WDR3: variants seen among roughly 807,000 people sequenced by gnomAD.
WDR3 encodes WD repeat domain 3.
WDR3 carries 81 observed loss-of-function variants against 123.7 expected under a neutral mutation model. That is an observed-to-expected ratio of 0.65 (90% CI 0.55 to 0.79). WDR3 has a LOEUF of 0.79. WDR3 is among the 30% of genes least tolerant of loss of function. The probability of loss-of-function intolerance (pLI) is 0.00; values close to 1 mark genes in which losing one functional copy is unlikely to be tolerated. For synonymous variants in WDR3, 390 were observed against 388.8 expected (o/e 1.00, Z -0.04); for missense variants, 1,027 against 1,123.2 (o/e 0.91, Z 1.22).
chr1:117,935,852 G>A (rs1650923721), intron 3 of WDR3, among the ~76,000 whole-genome samples: 1 of 151,790 alleles, frequency 6.6e-6, no homozygotes, highest in South Asian at 2.1e-4. Flanking sequence ...CACTGAAAAA[G>A]TTAAAATATT....
At chr1:117,953,393 C>A in intron 20 of WDR3, 83 bp from the exon 21 acceptor site, 1 of 1,322,166 alleles carries the variant, frequency 7.6e-7, no homozygotes, top group South Asian at 1.2e-5. Context: ...AATAGCTGTT[C>A]TCATATGGAT....
intron 24 of WDR3, among the ~76,000 whole-genome samples, chr1:117,956,805 T>C (rs989567328): frequency 5.3e-5 from 8 of 152,282 alleles, no homozygotes; most frequent in African/African-American, 1.9e-4. Flanking sequence ...AACAAAAGGC[T>C]TTGGAGATAT....
At chr1:117,936,653 A>C in intron 3 of WDR3, 116 bp from the exon 4 acceptor site, 1 of 732,730 alleles carries the variant, frequency 1.4e-6, no homozygotes, top group Non-Finnish European at 2.2e-6. Context: ...ATGCTTTCCA[A>C]ATTTTCTGTA....
At chr1:117,942,263 A>G (rs955322835) in intron 9 of WDR3, among the ~76,000 whole-genome samples, 174 bp from the exon 10 acceptor site, 10 of 152,218 alleles carry the variant, frequency 6.6e-5, no homozygotes, top group African/African-American at 2.4e-4. Flanking sequence ...TGTAGTGTAC[A>G]AAGCATTTCC....
At position 117,952,378 on chromosome 1, in the gene WDR3, A is replaced by G. The variant is rs760346560; in HGVS notation, c.1986A>G (p.Ala662=). ...GKDHKIKQWD[A]DKFEHIQTLE... ...ATCATAAGATTAAACAGTGGGATGC[A>G]GACAAATTTGAACACATACAGACTC... The change falls in exon 18 of 27, where the codon GCA becomes GCG. Residue 662 remains alanine (A), a synonymous_variant. Coordinates refer to ENST00000349139, the MANE Select transcript of WDR3 (RefSeq NM_006784.3). The G allele has an allele frequency of 2.5e-6, 4 of 1,613,406 alleles. No individual in the cohort carries two copies. The highest frequency in any genetic ancestry group is 1.1e-5 in the South Asian group (1 of 91,000).
chr1:117,940,518 A>T (rs139644475), intron 6 of WDR3, among the ~76,000 whole-genome samples: 19 of 152,170 alleles, frequency 1.2e-4, no homozygotes, highest in Middle Eastern at 3.4e-3. Flanking sequence ...GAGTCCACAC[A>T]CACGTTTGAG....
At position 117,941,758 on chromosome 1, in the gene WDR3, C is replaced by T. The variant is rs187750907; in HGVS notation, c.900C>T (p.Asp300=). 65 of 1,610,202 alleles carry T rather than the reference C, an allele frequency of 4.0e-5. No homozygotes were observed. The Admixed American group carries it at 1.1e-3, about 27-fold the overall frequency. The part of the protein sequence containing the change: ...TGRILACHGT[D]SVLELFCILS... ...ACCTTTTGCCTTTCTAGGGAACTGA[C>T]TCTGTGCTAGAATTGTTTTGTATCC... The change falls in exon 9 of 27, where the codon GAC becomes GAT. Residue 300 remains aspartate (D), a synonymous_variant. Coordinates refer to ENST00000349139, the MANE Select transcript of WDR3 (RefSeq NM_006784.3).
intron 16 of WDR3, among the ~76,000 whole-genome samples, chr1:117,951,535 A>G (rs1475597360): frequency 6.8e-6 from 1 of 147,974 alleles, no homozygotes; most frequent in African/African-American, 2.5e-5. Context: ...TATGTTGACA[A>G]CCATTTGGAC....
chr1:117,956,778 A>G (rs530245390), intron 24 of WDR3, among the ~76,000 whole-genome samples: 1 of 152,366 alleles, frequency 6.6e-6, no homozygotes, highest in South Asian at 2.1e-4. Flanking sequence ...AGAATATCAT[A>G]TGAAGATGGA....
Position 117,940,852 on chromosome 1 carries a change from C to T in WDR3, c.701C>T (p.Pro234Leu). 1 of 1,613,546 alleles carries T rather than the reference C, an allele frequency of 6.2e-7. No individual in the cohort carries two copies. Among genetic ancestry groups the T allele is most frequent in the Non-Finnish European group, 8.5e-7 (1 of 1,179,874 alleles). ...ATTGAAGACCCGGAAGAACCAGACCCCAAGAAAATCAAAGGATCTTCTCCT... is the reference window on the plus strand; with the variant it reads ...ATTGAAGACCCGGAAGAACCAGACCTCAAGAAAATCAAAGGATCTTCTCCT... ...QEIEDPEEPD[P>L]KKIKGSSPGI... Residue 234 changes from proline (P) to leucine (L), a missense_variant, in exon 7 of 27, where the codon CCC becomes CTC. Pro to Leu is a moderately conservative substitution (Grantham distance 98). Coordinates refer to ENST00000349139, the MANE Select transcript of WDR3 (RefSeq NM_006784.3).
rs748371140 is a variant in WDR3, at chr1:117,940,888, A to T, written c.737A>T (p.Asp246Val). 2.5e-6 allele frequency: 4 copies of T among 1,614,106 alleles called. No individual in the cohort carries two copies. The South Asian group carries it at 4.4e-5, about 18-fold the overall frequency. The change falls in exon 7 of 27, where the codon GAT (aspartate) becomes GTT (valine). Residue 246 changes from aspartate (D) to valine (V), a missense_variant. Physicochemically the swap from Asp to Val is radical, Grantham distance 152. Coordinates refer to ENST00000349139, the MANE Select transcript of WDR3 (RefSeq NM_006784.3). ...KIKGSSPGIQ[D>V]TLEAEDGAFE... ...AAAGGATCTTCTCCTGGAATACAAG[A>T]TACTCTTGAGGCAGAGGATGGTGCC...
Position 117,948,619 on chromosome 1 carries a change from T to C in WDR3, c.1524+113T>C, listed in dbSNP as rs1651495711. The C allele has an allele frequency of 4.4e-6, 3 of 682,254 alleles. No homozygotes were observed. The South Asian group carries it at 9.1e-5, about 21-fold the overall frequency. The allele number at this position is 682,254 out of a possible 1,614,324, so 42.3% of individuals were successfully genotyped here. A position where few individuals can be genotyped will look rare whatever the true frequency, so the allele number is the denominator to read the frequency against. ...TTTTTTTTTTTTTTGGTCTAATCTT[T>C]AGTGTTTGTATATGATGCCTTCTTA... On this transcript the variant is annotated intron_variant, in intron 13 of 26. Coordinates refer to ENST00000349139, the MANE Select transcript of WDR3 (RefSeq NM_006784.3).
At position 117,965,753 on chromosome 1, in the gene WDR3, G is replaced by T. The variant is rs1447127602; in HGVS notation, c.*6306G>T. ...ATATGCTGATCATGTCACCCACAGG[G>T]TCAGGAATCTGCAGTGGTTCACTGC... On this transcript the variant is annotated 3_prime_UTR_variant, in exon 27 of 27. Coordinates refer to ENST00000349139, the MANE Select transcript of WDR3 (RefSeq NM_006784.3). 6.6e-6 allele frequency: 1 copy of T among 152,170 alleles called. No homozygotes were observed. Among genetic ancestry groups the T allele is most frequent in the Non-Finnish European group, 1.5e-5 (1 of 68,028 alleles). 9.4% of individuals were successfully genotyped at this position (152,170 alleles called of 1,614,324 possible).
Position 117,963,728 on chromosome 1 carries a change from AAG to A in WDR3, c.*4283_*4284del. ...AGGTTTCTGACTATAAGAAGAGGGGAAGAAACCTGGGGTCTAATACCTCAAAT... is the reference window on the plus strand; with the variant it reads ...AGGTTTCTGACTATAAGAAGAGGGGAAAACCTGGGGTCTAATACCTCAAAT... On this transcript the variant is annotated 3_prime_UTR_variant, in exon 27 of 27. Transcript: ENST00000349139. 7.1e-7 allele frequency: 1 copy of A among 1,409,086 alleles called. No homozygotes were observed. The highest frequency in any genetic ancestry group is 9.7e-7 in the Non-Finnish European group (1 of 1,032,294). The allele number at this position is 1,409,086 out of a possible 1,614,324, so 87.3% of individuals were successfully genotyped here.
chr1:117,931,107 A>C (rs1489549814), intron 1 of WDR3, among the ~76,000 whole-genome samples: 1 of 152,108 alleles, frequency 6.6e-6, no homozygotes, highest in Non-Finnish European at 1.5e-5. Context: ...ATTTTTTAAA[A>C]AATGTTTTGT....
chr1:117,950,883 T>C lies in WDR3; in HGVS notation c.1796T>C (p.Ile599Thr), dbSNP rs142924383. ...AAACTGCCTGTTATATGCATGGACA[T>C]CTCTCATGTAAGTAGTTTAAATAGT... Reference protein sequence around the residue: ...GHKLPVICMDISHDGALIATG... With the variant: ...GHKLPVICMDTSHDGALIATG... The change falls in exon 16 of 27, where the codon ATC (isoleucine) becomes ACC (threonine). Residue 599 changes from isoleucine to threonine, a missense_variant. Ile to Thr is a moderately conservative substitution (Grantham distance 89). Transcript: ENST00000349139. The C allele has an allele frequency of 7.3e-5, 117 of 1,608,666 alleles. No individual in the cohort carries two copies. Among genetic ancestry groups the C allele is most frequent in the Non-Finnish European group, 9.8e-5 (115 of 1,178,398 alleles).
In WDR3 at chr1:117,964,510, A is replaced by G. The variant is rs1005655487; in HGVS notation, c.*5063A>G. On this transcript the variant is annotated 3_prime_UTR_variant, in exon 27 of 27. Coordinates refer to ENST00000349139, the MANE Select transcript of WDR3 (RefSeq NM_006784.3). ...AGAGGAAAAAACTAGTTCTTTGGCTAGTTTCCTTCTGTCACAATGGAAAAA... is the reference window on the plus strand; with the variant it reads ...AGAGGAAAAAACTAGTTCTTTGGCTGGTTTCCTTCTGTCACAATGGAAAAA... The G allele has an allele frequency of 1.3e-5, 2 of 152,130 alleles. No individual in the cohort carries two copies. Among genetic ancestry groups the G allele is most frequent in the Non-Finnish European group, 2.9e-5 (2 of 68,024 alleles). The allele number at this position is 152,130 out of a possible 1,614,324, so 9.4% of individuals were successfully genotyped here.
intron 5 of WDR3, 137 bp from the exon 6 acceptor site, chr1:117,939,340 G>T: frequency 1.3e-6 from 1 of 790,750 alleles, no homozygotes; most frequent in Non-Finnish European, 2.0e-6. Context: ...CATTTTGAAA[G>T]GGTTGTCGAT....
At chr1:117,942,340 C>A in intron 9 of WDR3, 97 bp from the exon 10 acceptor site, 1 of 927,824 alleles carries the variant, frequency 1.1e-6, no homozygotes, top group Non-Finnish European at 1.7e-6. Flanking sequence ...CAGAATAACA[C>A]AGTTTGTTGG....
Sources: gnomAD v4.1 joint callset for allele counts (sites outside exome capture counted in the v4.1 genomes callset) on GRCh38, gnomAD v4.1.1 for gene constraint, MANE v1.5 for transcripts, NCBI Gene and HGNC (gene_info 2026-07-23, HGNC 2026-07-21) for gene names.